Variants in LIPK observed in about 807,000 individuals in gnomAD.
LIPK encodes the protein lipase family member K.
A neutral mutation model predicts 48.6 loss-of-function variants in LIPK; 32 were observed. That is an observed-to-expected ratio of 0.66 (90% CI 0.50 to 0.88). The LOEUF (loss-of-function observed/expected upper bound fraction) is 0.88, where lower values mean the gene tolerates loss of function less well. Among genes scored for constraint, LIPK ranks in the 40% least tolerant of loss-of-function variants. The probability of loss-of-function intolerance (pLI) is 0.00; values close to 1 mark genes in which losing one functional copy is unlikely to be tolerated. For missense variants in LIPK, 507 were observed against 478.5 expected (o/e 1.06, Z -0.56); for synonymous variants, 164 against 157.4 (o/e 1.04, Z -0.32).
rs1368733639 is a variant in LIPK, at chr10:88,726,855, G to T, written c.166G>T (p.Gly56Cys). ...AGAGTATGATGTTACAACAAAAGAT[G>T]GTTATATCCTTGGAATTTATAGGAT... ...YEEYDVTTKD[G>C]YILGIYRIPH... The change falls in exon 3 of 10, where the codon GGT (glycine) becomes TGT (cysteine). Residue 56 changes from glycine (G) to cysteine (C), a missense_variant. Gly to Cys is a radical substitution (Grantham distance 159). Transcript: ENST00000404190. 7 of 1,608,436 alleles carry T rather than the reference G, an allele frequency of 4.4e-6. No homozygotes were observed. The highest frequency in any genetic ancestry group is 6.0e-6 in the Non-Finnish European group (7 of 1,175,936).
rs1842600813 is a variant in LIPK, at chr10:88,737,671, T to C, written c.706T>C (p.Leu236=). 2 of 1,613,894 alleles carry C rather than the reference T, an allele frequency of 1.2e-6. No individual in the cohort carries two copies. The highest frequency in any genetic ancestry group is 2.2e-5 in the South Asian group (2 of 91,074). The change falls in exon 7 of 10, where the codon TTG becomes CTG. Residue 236 remains leucine, a synonymous_variant. Transcript: ENST00000404190. ...FGDKMFHPHT[L]FDQFIATKVC... is the part of the protein sequence containing the mutation. ...TGACAAAATGTTCCACCCTCATACATTGTTTGACCAATTCATTGCCACCAA... is the reference window on the plus strand; with the variant it reads ...TGACAAAATGTTCCACCCTCATACACTGTTTGACCAATTCATTGCCACCAA...
intron 1 of LIPK, among the ~76,000 whole-genome samples, chr10:88,720,300 A>G (rs956046396): frequency 2.0e-5 from 3 of 152,194 alleles, no homozygotes; most frequent in Admixed American, 2.0e-4. Context: ...ATAGAGAAAG[A>G]AATATTAAAT....
intron 1 of LIPK, among the ~76,000 whole-genome samples, chr10:88,719,850 G>C (rs527550078): frequency 1.3e-5 from 2 of 152,252 alleles, no homozygotes; most frequent in African/African-American, 4.8e-5. Flanking sequence ...TATTACTTCT[G>C]ATATTCTTTT....
intron 6 of LIPK, 108 bp downstream of exon 6, chr10:88,732,659 G>T: frequency 8.8e-7 from 1 of 1,140,006 alleles, no homozygotes; most frequent in Non-Finnish European, 1.3e-6. Context: ...AAAATAATAG[G>T]TATTCAAGAT....
chr10:88,723,654 T>C (rs1001965778), intron 1 of LIPK, among the ~76,000 whole-genome samples: 3 of 152,126 alleles, frequency 2.0e-5, no homozygotes, highest in African/African-American at 7.2e-5. Context: ...GTTTTTCCTA[T>C]GATAAAGTAA....
At position 88,732,539 on chromosome 10, in the gene LIPK, G is replaced by A. The variant is rs1443906161; in HGVS notation, c.657G>A (p.Arg219=). 2.5e-6 allele frequency: 4 copies of A among 1,609,438 alleles called. No individual in the cohort carries two copies. The African/African-American group carries it at 5.4e-5, about 22-fold the overall frequency. ...TGAAAAAACTAACAACCCTTTCCAG[G>A]CGAGTAGTTAAGGTATGTGACTTCC... The part of the protein sequence containing the change: ...SPMKKLTTLS[R]RVVKVLFGDK... Residue 219 remains arginine, a synonymous_variant, in exon 6 of 10, where the codon AGG becomes AGA. Transcript: ENST00000404190.
intron 8 of LIPK, among the ~76,000 whole-genome samples, chr10:88,740,660 A>G (rs1219411871): frequency 6.6e-6 from 1 of 152,218 alleles, no homozygotes; most frequent in Non-Finnish European, 1.5e-5. Flanking sequence ...ACACACGTGC[A>G]TGCACATTCA....
chr10:88,735,196 A>T (rs986187397), intron 6 of LIPK, among the ~76,000 whole-genome samples: 2 of 152,202 alleles, frequency 1.3e-5, no homozygotes, highest in Non-Finnish European at 2.9e-5. Flanking sequence ...TGATAGAATG[A>T]GTAGAGTTCG....
intron 4 of LIPK, 103 bp from the exon 5 acceptor site, chr10:88,732,075 T>C: frequency 5.5e-6 from 4 of 730,278 alleles, no homozygotes; most frequent in Non-Finnish European, 9.1e-6. Context: ...TAGTCTTATA[T>C]TTAACAAAAT....
intron 8 of LIPK, among the ~76,000 whole-genome samples, chr10:88,742,589 T>G (rs1359442020): frequency 6.6e-6 from 1 of 152,220 alleles, no homozygotes; most frequent in Non-Finnish European, 1.5e-5. Flanking sequence ...TATTCTAATA[T>G]TTGAAGTTTC....
At chr10:88,750,368 C>A (rs533443356) in intron 9 of LIPK, among the ~76,000 whole-genome samples, 2 of 152,150 alleles carry the variant, frequency 1.3e-5, no homozygotes, top group Admixed American at 6.6e-5. Flanking sequence ...GTTCATTGTG[C>A]ACCTATTCAC....
chr10:88,717,607 TGATAGA>T (rs965265197), intron 1 of LIPK, among the ~76,000 whole-genome samples: 11 of 152,272 alleles, frequency 7.2e-5, no homozygotes, highest in African/African-American at 2.6e-4. Context: ...TTGTGCATTG[TGATAGA>T]GAAGAGGATA....
At chr10:88,723,685 G>A (rs35773154) in intron 1 of LIPK, among the ~76,000 whole-genome samples, 56,801 of 151,742 alleles carry the variant, frequency 0.37, 11,113 homozygotes, top group East Asian at 0.57. Context: ...AGAAAATTTA[G>A]AAAGTGTGAA....
chr10:88,739,884 A>T (rs1202024911), intron 7 of LIPK, 112 bp from the exon 8 acceptor site: 6 of 605,340 alleles, frequency 9.9e-6, no homozygotes, highest in African/African-American at 5.7e-5. Context: ...AAAATAAAAA[A>T]AAGAAAGAAA....
chr10:88,749,910 CA>C (rs1842835748), intron 9 of LIPK, among the ~76,000 whole-genome samples: 1 of 152,032 alleles, frequency 6.6e-6, no homozygotes, highest in Non-Finnish European at 1.5e-5. Context: ...ATGCATTTGA[CA>C]AAGATCTAAT....
At chr10:88,747,070 A>G (rs1243716073) in intron 9 of LIPK, among the ~76,000 whole-genome samples, 2 of 152,186 alleles carry the variant, frequency 1.3e-5, no homozygotes, top group Non-Finnish European at 2.9e-5. Context: ...ATCAGGAAGC[A>G]ATTGAAATCC....
intron 1 of LIPK, among the ~76,000 whole-genome samples, chr10:88,711,084 C>A (rs950841616): frequency 8.6e-5 from 13 of 151,454 alleles, no homozygotes; most frequent in African/African-American, 3.2e-4. Flanking sequence ...TGTTTATTGA[C>A]CTTCCATCTA....
chr10:88,713,802 G>A (rs970414812), intron 1 of LIPK, among the ~76,000 whole-genome samples: 23 of 151,828 alleles, frequency 1.5e-4, no homozygotes, highest in East Asian at 1.4e-3. Context: ...TTAGCCAGGC[G>A]CAGTGGTGGG....
chr10:88,725,054 CA>C lies in LIPK; in HGVS notation c.105+407del, dbSNP rs543470233. 7.6e-3 allele frequency among the ~76,000 whole-genome samples: 1,149 copies of C among 152,158 alleles called. 16 individuals are homozygous for C. Among genetic ancestry groups the C allele is most frequent in the African/African-American group, 0.026 (1,092 of 41,512 alleles). On this transcript the variant is annotated intron_variant, in intron 2 of 9. Transcript: ENST00000404190. ...GTTGTTTATTACCAAAGTATTTTAA[CA>C]TTCAGGAATTCATATCAGAAGTGGA...
Sources: allele counts gnomAD v4.1 joint callset (sites outside exome capture counted in the v4.1 genomes callset), GRCh38; gene constraint gnomAD v4.1.1; transcripts MANE v1.5; gene names NCBI Gene and HGNC (gene_info 2026-07-23, HGNC 2026-07-21).